The following KHDRBS3 variants were observed in gnomAD, a reference collection of about 807,000 sequenced individuals.
KHDRBS3 encodes KH domain-containing, RNA-binding, signal transduction-associated protein 3.
A neutral mutation model predicts 45.6 loss-of-function variants in KHDRBS3; 23 were observed. That is an observed-to-expected ratio of 0.50 (90% CI 0.36 to 0.72). The LOEUF (loss-of-function observed/expected upper bound fraction) is 0.72, where lower values mean the gene tolerates loss of function less well. Ranked by LOEUF, KHDRBS3 falls within the 30% of genes least tolerant of loss-of-function variation. The probability of loss-of-function intolerance (pLI) is 0.00; values close to 1 mark genes in which losing one functional copy is unlikely to be tolerated. For synonymous variants in KHDRBS3, 162 were observed against 156.5 expected (o/e 1.04, Z -0.26); for missense variants, 352 against 424.8 (o/e 0.83, Z 1.51).
At chr8:135,537,544 T>C (rs149937527) in intron 2 of KHDRBS3, among the ~76,000 whole-genome samples, 4 of 152,348 alleles carry the variant, frequency 2.6e-5, no homozygotes, top group African/African-American at 7.2e-5. Flanking sequence ...TATATGTTGT[T>C]ATACCATCTT....
intron 5 of KHDRBS3, 56 bp downstream of exon 5, chr8:135,557,643 C>T (rs1826957075): frequency 3.0e-6 from 4 of 1,351,374 alleles, no homozygotes; most frequent in Admixed American, 3.6e-5. Flanking sequence ...TTAATATTTC[C>T]TTTATTAGTA....
intron 7 of KHDRBS3, chr8:135,626,024 T>C: frequency 1.6e-6 from 1 of 636,218 alleles, no homozygotes; most frequent in Admixed American, 2.3e-5. Context: ...CGCACCCAGC[T>C]CCGGTTCCAG....
intron 1 of KHDRBS3, among the ~76,000 whole-genome samples, chr8:135,472,902 T>A (rs1822083650): frequency 6.6e-6 from 1 of 152,216 alleles, no homozygotes; most frequent in South Asian, 2.1e-4. Context: ...GGGATCCTTG[T>A]GGCTCTATCA....
intron 2 of KHDRBS3, among the ~76,000 whole-genome samples, chr8:135,536,998 G>GAAA (rs148125847): frequency 0.41 from 11,026 of 26,646 alleles, 1,684 homozygotes; most frequent in East Asian, 0.63. Flanking sequence ...AAAAAAAAAA[G>GAAA]GAGATGTTTA....
At chr8:135,546,748 C>T (rs1031605211) in intron 3 of KHDRBS3, among the ~76,000 whole-genome samples, 21 of 152,144 alleles carry the variant, frequency 1.4e-4, no homozygotes, top group Admixed American at 4.6e-4. Context: ...GTAATGTAAT[C>T]TGCCCAAGTC....
rs59502823 is a variant in KHDRBS3, at chr8:135,515,365, T to TAAAAAAAAAAAAAAAA, written c.89-5850_89-5835dup. 3.0e-4 allele frequency among the ~76,000 whole-genome samples: 12 copies of TAAAAAAAAAAAAAAAA among 39,738 alleles called. 1 individual carries two copies. The highest frequency in any genetic ancestry group is 3.4e-4 in the Non-Finnish European group (7 of 20,788). 26.1% of individuals were successfully genotyped at this position (39,738 alleles called of 152,430 possible). ...TGGGCGACAGAGCGAGACTCCGTCT[T>TAAAAAAAAAAAAAAAA]AAAAAAAAAAAAAAAAAAAAAAAAA... On this transcript the variant is annotated intron_variant, in intron 1 of 8. Transcript: ENST00000355849.
chr8:135,623,880 C>A (rs986717673), intron 7 of KHDRBS3, among the ~76,000 whole-genome samples: 2 of 152,126 alleles, frequency 1.3e-5, no homozygotes, highest in Non-Finnish European at 2.9e-5. Context: ...AAGCTACCAC[C>A]AGAAACAAAT....
At chr8:135,474,403 A>G (rs1443138590) in intron 1 of KHDRBS3, among the ~76,000 whole-genome samples, 2 of 152,216 alleles carry the variant, frequency 1.3e-5, no homozygotes, top group Non-Finnish European at 2.9e-5. Context: ...GGAAGTATGC[A>G]GTATGTCTTG....
intron 5 of KHDRBS3, among the ~76,000 whole-genome samples, chr8:135,566,084 T>C (rs1439068841): frequency 2.6e-5 from 4 of 152,302 alleles, no homozygotes; most frequent in African/African-American, 9.6e-5. Flanking sequence ...CAGCCATGTA[T>C]AAGCGAAATA....
At chr8:135,577,744 A>G (rs1225748817) in intron 5 of KHDRBS3, among the ~76,000 whole-genome samples, 1 of 152,166 alleles carries the variant, frequency 6.6e-6, no homozygotes. Context: ...TTTCAGAACC[A>G]TTGGGTAAAA....
At chr8:135,519,637 C>T (rs1339102291) in intron 1 of KHDRBS3, among the ~76,000 whole-genome samples, 1 of 152,162 alleles carries the variant, frequency 6.6e-6, no homozygotes, top group Non-Finnish European at 1.5e-5. Flanking sequence ...TCATTTTAAA[C>T]TTGAAGAACC....
chr8:135,526,530 G>A (rs1825197319), intron 2 of KHDRBS3, among the ~76,000 whole-genome samples: 1 of 152,090 alleles, frequency 6.6e-6, no homozygotes, highest in Admixed American at 6.6e-5. Flanking sequence ...ATATAGCACT[G>A]CAATCAGTCC....
intron 1 of KHDRBS3, among the ~76,000 whole-genome samples, chr8:135,474,780 C>T (rs151097906): frequency 6.6e-6 from 1 of 152,302 alleles, no homozygotes; most frequent in Non-Finnish European, 1.5e-5. Context: ...CTATGGCTGC[C>T]ATAACAAATT....
intron 1 of KHDRBS3, among the ~76,000 whole-genome samples, chr8:135,492,516 CATATATAT>C (rs3029812): frequency 6.9e-6 from 1 of 145,856 alleles, no homozygotes; most frequent in African/African-American, 2.5e-5. Flanking sequence ...TATATATATA[CATATATAT>C]ATATATATAT....
chr8:135,530,440 TAATC>T (rs1409642993), intron 2 of KHDRBS3, among the ~76,000 whole-genome samples: 2 of 152,060 alleles, frequency 1.3e-5, no homozygotes, highest in Non-Finnish European at 2.9e-5. Context: ...TTAAAAGAAA[TAATC>T]AATATGTAAT....
chr8:135,471,481 C>T (rs1385081805), intron 1 of KHDRBS3, among the ~76,000 whole-genome samples: 5 of 152,204 alleles, frequency 3.3e-5, no homozygotes, highest in Non-Finnish European at 4.4e-5. Context: ...TACTTTATCC[C>T]TGCTTAAAGA....
chr8:135,505,827 G>T (rs564400084), intron 1 of KHDRBS3, among the ~76,000 whole-genome samples: 4 of 151,616 alleles, frequency 2.6e-5, no homozygotes, highest in Non-Finnish European at 2.9e-5. Flanking sequence ...GTGCTTCTGG[G>T]AATGTAGGGT....
At chr8:135,638,194 C>T (rs1480444242) in intron 7 of KHDRBS3, among the ~76,000 whole-genome samples, 1 of 152,180 alleles carries the variant, frequency 6.6e-6, no homozygotes, top group African/African-American at 2.4e-5. Context: ...GTCTCTGAAA[C>T]AGCAAGGCTA....
chr8:135,561,451 GTGGAATCCAGGC>G (rs1415743165), intron 5 of KHDRBS3, among the ~76,000 whole-genome samples: 3 of 152,030 alleles, frequency 2.0e-5, no homozygotes, highest in Non-Finnish European at 2.9e-5. Flanking sequence ...GTAGAGCCGG[GTGGAATCCAGGC>G]AGTGTGCTTT....
Sources: allele counts gnomAD v4.1 joint callset (sites outside exome capture counted in the v4.1 genomes callset), GRCh38; gene constraint gnomAD v4.1.1; transcripts MANE v1.5; gene names NCBI Gene and HGNC (gene_info 2026-07-23, HGNC 2026-07-21).